The following ADARB2 variants were observed in gnomAD, a reference collection of about 807,000 sequenced individuals.
ADARB2 encodes inactive double-stranded RNA-specific editase B2.
Under a neutral mutation model 62.2 loss-of-function variants are expected in ADARB2, and 25 were observed. The ratio of observed to expected loss-of-function variants is 0.40; its 90% confidence interval spans 0.29 to 0.56. ADARB2 has a LOEUF of 0.56. Ranked by LOEUF, ADARB2 falls within the 20% of genes least tolerant of loss-of-function variation. The pLI, the probability that ADARB2 is intolerant of heterozygous loss-of-function variation, is 0.43. For synonymous variants in ADARB2, 572 were observed against 500.8 expected (o/e 1.14, Z -1.90); for missense variants, 1,071 against 1,077.4 (o/e 0.99, Z 0.08).
intron 1 of ADARB2, among the ~76,000 whole-genome samples, chr10:1,508,164 G>A (rs74532044): frequency 5.9e-5 from 9 of 152,164 alleles, no homozygotes; most frequent in South Asian, 2.1e-4. Context: ...TGGTGTTGGC[G>A]TTGGATGAAT....
intron 6 of ADARB2, among the ~76,000 whole-genome samples, chr10:1,226,623 C>G (rs981905925): frequency 6.6e-6 from 1 of 152,220 alleles, no homozygotes; most frequent in Non-Finnish European, 1.5e-5. Flanking sequence ...AGTTTTCCTT[C>G]TAACAGTCAG....
At chr10:1,670,751 C>A (rs1391006452) in intron 1 of ADARB2, among the ~76,000 whole-genome samples, 1 of 152,248 alleles carries the variant, frequency 6.6e-6, no homozygotes, top group Admixed American at 6.5e-5. Flanking sequence ...GTGGGGCCAA[C>A]ACTACGGCTT....
intron 8 of ADARB2, among the ~76,000 whole-genome samples, chr10:1,195,621 G>T (rs971623783): frequency 6.6e-6 from 1 of 152,088 alleles, no homozygotes; most frequent in African/African-American, 2.4e-5. Context: ...GCTGATCCTG[G>T]TTCAGAAGAA....
At chr10:1,653,445 G>A (rs1308337546) in intron 1 of ADARB2, among the ~76,000 whole-genome samples, 2 of 152,178 alleles carry the variant, frequency 1.3e-5, no homozygotes, top group Non-Finnish European at 2.9e-5. Context: ...AGGAATGTTG[G>A]GGGGCCCAGG....
At chr10:1,602,559 A>C (rs776252860) in intron 1 of ADARB2, among the ~76,000 whole-genome samples, 3 of 152,204 alleles carry the variant, frequency 2.0e-5, no homozygotes, top group African/African-American at 4.8e-5. Flanking sequence ...TTGCACAGCC[A>C]GGGAGAGGCT....
At chr10:1,479,139 A>G (rs1011623749) in intron 1 of ADARB2, among the ~76,000 whole-genome samples, 8 of 152,336 alleles carry the variant, frequency 5.3e-5, no homozygotes, top group African/African-American at 1.9e-4. Context: ...TCTCTGGGTC[A>G]ACCAGGATCC....
intron 3 of ADARB2, among the ~76,000 whole-genome samples, chr10:1,293,258 C>A (rs558985679): frequency 1.3e-3 from 106 of 81,782 alleles, no homozygotes; most frequent in African/African-American, 5.5e-3. Flanking sequence ...GGGAGAGGGA[C>A]AGAGGGAGGG....
chr10:1,647,411 G>A (rs569587291), intron 1 of ADARB2, among the ~76,000 whole-genome samples: 3 of 143,980 alleles, frequency 2.1e-5, no homozygotes, highest in Admixed American at 1.4e-4. Context: ...ACATGTGTGT[G>A]CATATATGTG....
chr10:1,298,061 C>G (rs1831538746), intron 3 of ADARB2, among the ~76,000 whole-genome samples: 2 of 152,238 alleles, frequency 1.3e-5, no homozygotes, highest in Admixed American at 1.3e-4. Flanking sequence ...TTCCACTTCC[C>G]TCCCTCCTAT....
intron 1 of ADARB2, among the ~76,000 whole-genome samples, chr10:1,380,285 C>G (rs1386135507): frequency 6.6e-6 from 1 of 152,276 alleles, no homozygotes. Context: ...CATGTCCTAG[C>G]ATCCCTGCTA....
In ADARB2 at chr10:1,582,878, C is replaced by A. The variant is rs751948916; in HGVS notation, c.100+154173G>T. Among the ~76,000 whole-genome samples, 5 of 152,320 alleles carry A rather than the reference C, an allele frequency of 3.3e-5. No homozygotes were observed. The East Asian group carries it at 5.8e-4, about 18-fold the overall frequency. On this transcript the variant is annotated intron_variant, in intron 1 of 9. Transcript: ENST00000381312. ...CATAATCATGGTGCCTCTGCTCAGA[C>A]CCAGGGGCTATAAGAGCCCCCAGCT...
chr10:1,482,990 T>A (rs1049718408), intron 1 of ADARB2, among the ~76,000 whole-genome samples: 4 of 152,220 alleles, frequency 2.6e-5, no homozygotes, highest in African/African-American at 7.2e-5. Context: ...AACTTTCCAG[T>A]GAAATTATGT....
At chr10:1,280,554 AGTGAT>A (rs1346962795) in intron 3 of ADARB2, among the ~76,000 whole-genome samples, 9 of 151,268 alleles carry the variant, frequency 5.9e-5, no homozygotes, top group African/African-American at 2.2e-4. Flanking sequence ...GAAATTCCTA[AGTGAT>A]GCTCCGTGAA....
At chr10:1,405,012 G>A (rs572014508) in intron 1 of ADARB2, among the ~76,000 whole-genome samples, 8 of 152,272 alleles carry the variant, frequency 5.3e-5, no homozygotes, top group South Asian at 4.1e-4. Flanking sequence ...TACAATTCCC[G>A]GCGCCTGCGT....
At position 1,601,175 on chromosome 10, in the gene ADARB2, A is replaced by G. The variant is rs912753074; in HGVS notation, c.100+135876T>C. Among the ~76,000 whole-genome samples, 4 of 152,176 alleles carry G rather than the reference A, an allele frequency of 2.6e-5. No homozygotes were observed. In the South Asian group the frequency reaches 6.2e-4, roughly 24 times the overall value. ...GTCCTCTTTGGAACACCCAACTCAT[A>G]AAGTCACAGAGACACCACGTGTGGC... is the stretch of plus-strand genomic sequence containing the variant. On this transcript the variant is annotated intron_variant, in intron 1 of 9. Coordinates refer to ENST00000381312, the MANE Select transcript of ADARB2 (RefSeq NM_018702.4).
intron 7 of ADARB2, among the ~76,000 whole-genome samples, chr10:1,211,359 T>C (rs1837148943): frequency 6.6e-6 from 1 of 152,190 alleles, no homozygotes; most frequent in African/African-American, 2.4e-5. Context: ...CTATGTGCTG[T>C]ATCATCTATC....
intron 1 of ADARB2, among the ~76,000 whole-genome samples, chr10:1,726,782 A>T: frequency 6.6e-6 from 1 of 152,162 alleles, no homozygotes; most frequent in East Asian, 1.9e-4. Flanking sequence ...ACTGGAGAGC[A>T]GCTGTGCATT....
intron 6 of ADARB2, among the ~76,000 whole-genome samples, chr10:1,219,562 G>C (rs1328826568): frequency 6.6e-6 from 1 of 152,226 alleles, no homozygotes; most frequent in Non-Finnish European, 1.5e-5. Flanking sequence ...GGAAAAAAGA[G>C]CGAATGAGAG....
At position 1,200,155 on chromosome 10, in the gene ADARB2, G is replaced by T; in HGVS notation, c.1683-8C>A. On this transcript the variant is annotated splice_polypyrimidine_tract_variant and splice_region_variant and intron_variant, in intron 7 of 9. Transcript: ENST00000381312. ...AGCCCCAGGACGTTCCACCTGTGGG[G>T]AGAGCCAGCAGTCAGCGGAGCCCCA... is the stretch of plus-strand genomic sequence containing the variant. 1 of 1,550,266 alleles carries T rather than the reference G, an allele frequency of 6.5e-7. No homozygotes were observed. Among genetic ancestry groups the T allele is most frequent in the Non-Finnish European group, 8.7e-7 (1 of 1,146,936 alleles).
Sources: allele counts gnomAD v4.1 joint callset (sites outside exome capture counted in the v4.1 genomes callset), GRCh38; gene constraint gnomAD v4.1.1; transcripts MANE v1.5; gene names NCBI Gene and HGNC (gene_info 2026-07-23, HGNC 2026-07-21).